ITGA11: variants seen among roughly 807,000 people sequenced by gnomAD.
ITGA11 encodes the protein integrin alpha-11.
ITGA11 carries 97 observed loss-of-function variants against 141.9 expected under a neutral mutation model. That is an observed-to-expected ratio of 0.68 (90% CI 0.58 to 0.81). The LOEUF is 0.81. Ranked by LOEUF, ITGA11 falls within the 30% of genes least tolerant of loss-of-function variation. The pLI, the probability that ITGA11 is intolerant of heterozygous loss-of-function variation, is 0.00. For missense variants in ITGA11, 1,387 were observed against 1,559.2 expected (o/e 0.89, Z 1.86); for synonymous variants, 658 against 624.6 (o/e 1.05, Z -0.80).
chr15:68,335,252 A>G lies in ITGA11; in HGVS notation c.1425+445T>C, dbSNP rs1021137637. ...GGCTTGACCCAGTCATGAATTTGCC[A>G]TAGAACCCTGGGAAAGCCACCTTGC... On this transcript the variant is annotated intron_variant, in intron 12 of 29. Coordinates refer to ENST00000315757, the MANE Select transcript of ITGA11 (RefSeq NM_001004439.2). This position sits in a 1 kb window ranked among gnomAD's most constrained non-coding sequence, Gnocchi z 4.9. Among the ~76,000 whole-genome samples the G allele has an allele frequency of 6.6e-6, 1 of 152,054 alleles. No individual in the cohort carries two copies. The highest frequency in any genetic ancestry group is 1.5e-5 in the Non-Finnish European group (1 of 67,994).
At chr15:68,339,466 G>C in intron 11 of ITGA11, 34 bp downstream of exon 11, 1 of 1,590,876 alleles carries the variant, frequency 6.3e-7, no homozygotes, top group South Asian at 1.1e-5. Context: ...CCCGGCCCAC[G>C]ACCCGCCAGC....
chr15:68,312,922 A>C, intron 23 of ITGA11, 59 bp from the exon 24 acceptor site: 2 of 1,270,550 alleles, frequency 1.6e-6, no homozygotes, highest in Non-Finnish European at 2.3e-6. Context: ...GGATGGACAG[A>C]TGAATGAAAG....
chr15:68,338,014 A>T (rs898584), intron 11 of ITGA11, among the ~76,000 whole-genome samples: 73,203 of 152,028 alleles, frequency 0.48, 20,036 homozygotes, highest in Middle Eastern at 0.68. Flanking sequence ...GGCCAACCAC[A>T]TCGTTTCTCT....
At chr15:68,352,442 C>T (rs1043876716) in intron 7 of ITGA11, among the ~76,000 whole-genome samples, 6 of 152,150 alleles carry the variant, frequency 3.9e-5, no homozygotes, top group Non-Finnish European at 7.3e-5. Flanking sequence ...ATCTGCCCGC[C>T]TCTGCCTCCC....
Position 68,320,324 on chromosome 15 carries a change from G to A in ITGA11, c.2477C>T (p.Thr826Ile), listed in dbSNP as rs775498772. ...TGTGCTCTCTATGATGAAGACTGTG[G>A]TGTCGAAGGACAGCGTGTATGCGGA... ...DCSAYTLSFD[T>I]TVFIIESTRQ... Residue 826 changes from threonine to isoleucine, a missense_variant, in exon 20 of 30, where the codon ACC becomes ATC. Thr to Ile is a moderately conservative substitution (Grantham distance 89, BLOSUM62 -1). Transcript: ENST00000315757. 6.2e-7 allele frequency: 1 copy of A among 1,613,710 alleles called. No individual in the cohort carries two copies. Among genetic ancestry groups the A allele is most frequent in the Non-Finnish European group, 8.5e-7 (1 of 1,179,732 alleles).
rs1894881877 is a variant in ITGA11, at chr15:68,350,744, T to C, written c.933A>G (p.Glu311=). The C allele has an allele frequency of 6.2e-7, 1 of 1,613,780 alleles. No homozygotes were observed. The change falls in exon 9 of 30, where the codon GAA becomes GAG. Residue 311 remains glutamate (E), a synonymous_variant. Coordinates refer to ENST00000315757, the MANE Select transcript of ITGA11 (RefSeq NM_001004439.2). ...TGTATTTGATTTCATTTAGAAAAGT[T>C]TCTGGATTGATCCCCCTGCGGTTGT... is the stretch of plus-strand genomic sequence containing the variant. ...GYYNRRGINP[E]TFLNEIKYIA...
chr15:68,349,792 T>C (rs1342170132), intron 9 of ITGA11, among the ~76,000 whole-genome samples: 1 of 152,200 alleles, frequency 6.6e-6, no homozygotes, highest in African/African-American at 2.4e-5. Flanking sequence ...TGAAGGACTC[T>C]GCCCAAAATA....
chr15:68,313,652 C>T, intron 23 of ITGA11, 127 bp downstream of exon 23: 1 of 685,870 alleles, frequency 1.5e-6, no homozygotes, highest in South Asian at 1.8e-5. Flanking sequence ...ACTCTTGGCT[C>T]CATCCATAGT....
At position 68,299,050 on chromosome 15, in the gene ITGA11, A is replaced by G. The variant is rs1184996884; in HGVS notation, c.*4009T>C. 2 of 152,206 alleles carry G rather than the reference A, an allele frequency of 1.3e-5. No homozygotes were observed. The highest frequency in any genetic ancestry group is 2.4e-5 in the African/African-American group (1 of 41,436). The allele number at this position is 152,206 out of a possible 1,614,324, so 9.4% of individuals were successfully genotyped here. A position where few individuals can be genotyped will look rare whatever the true frequency, so the allele number is the denominator to read the frequency against. On this transcript the variant is annotated 3_prime_UTR_variant, in exon 30 of 30. Transcript: ENST00000315757. ...GTGAGACACTGTCTCAAAACAAACC[A>G]TGCAAAGCTGATTAGAAAGGGTAAG...
intron 2 of ITGA11, among the ~76,000 whole-genome samples, chr15:68,379,761 GT>G (rs1257341925): frequency 1.3e-5 from 2 of 152,166 alleles, no homozygotes; most frequent in Admixed American, 1.3e-4. Flanking sequence ...ATGCTCAGAG[GT>G]TTTTTTCTTT....
intron 10 of ITGA11, among the ~76,000 whole-genome samples, chr15:68,345,978 G>C (rs1330557072): frequency 6.6e-6 from 1 of 151,880 alleles, no homozygotes; most frequent in Non-Finnish European, 1.5e-5. Context: ...TTTTGTTTTT[G>C]TTTTTGTTTT....
chr15:68,344,434 A>G (rs911310236), intron 10 of ITGA11, among the ~76,000 whole-genome samples: 3 of 152,202 alleles, frequency 2.0e-5, no homozygotes, highest in Admixed American at 2.0e-4. Context: ...CTAAAGCTTC[A>G]GCCACTAAGA....
chr15:68,422,647 G>T (rs1006512240), intron 1 of ITGA11, among the ~76,000 whole-genome samples: 1 of 151,976 alleles, frequency 6.6e-6, no homozygotes, highest in Admixed American at 6.5e-5. Flanking sequence ...TGCCTTAGTT[G>T]GCTTTCGGTT....
intron 1 of ITGA11, among the ~76,000 whole-genome samples, chr15:68,408,539 G>A (rs985732847): frequency 1.3e-5 from 2 of 152,016 alleles, no homozygotes; most frequent in African/African-American, 4.8e-5. Flanking sequence ...TTGGGAGAGT[G>A]GCTCACGGGA....
intron 12 of ITGA11, among the ~76,000 whole-genome samples, chr15:68,334,629 G>A (rs1244428610): frequency 5.3e-5 from 8 of 151,862 alleles, no homozygotes; most frequent in East Asian, 1.9e-4. Flanking sequence ...ACTAAGAAGC[G>A]GACAGACAGC....
In ITGA11 at chr15:68,333,041, T is replaced by C. The variant is rs1353113077; in HGVS notation, c.1426-563A>G. Among the ~76,000 whole-genome samples, 1 of 152,208 alleles carries C rather than the reference T, an allele frequency of 6.6e-6. No individual in the cohort carries two copies. Among genetic ancestry groups the C allele is most frequent in the African/African-American group, 2.4e-5 (1 of 41,454 alleles). ...TCATCTACAACATAATCACTGGTCA[T>C]TCCACAGTGCTCCAAATTATGCATG... On this transcript the variant is annotated intron_variant, in intron 12 of 29. Coordinates refer to ENST00000315757, the MANE Select transcript of ITGA11 (RefSeq NM_001004439.2). The surrounding 1 kb of genome is among the most constrained non-coding windows in gnomAD (Gnocchi z 4.2).
intron 2 of ITGA11, among the ~76,000 whole-genome samples, chr15:68,374,790 C>T (rs898535124): frequency 6.6e-6 from 1 of 152,260 alleles, no homozygotes; most frequent in Non-Finnish European, 1.5e-5. Flanking sequence ...AATGTGGGTT[C>T]AATCCCCTCC....
At chr15:68,320,140 T>TGTGC in intron 20 of ITGA11, 45 bp downstream of exon 20, 1 of 1,573,050 alleles carries the variant, frequency 6.4e-7, no homozygotes, top group Non-Finnish European at 8.7e-7. Context: ...TTCCTTTTCC[T>TGTGC]CTGTGCCAGG....
intron 10 of ITGA11, among the ~76,000 whole-genome samples, chr15:68,347,989 C>A (rs1380954025): frequency 6.6e-6 from 1 of 152,160 alleles, no homozygotes; most frequent in African/African-American, 2.4e-5. Flanking sequence ...GCAAAGCACA[C>A]CCACAGGAGC....
Sources: allele counts gnomAD v4.1 joint callset (sites outside exome capture counted in the v4.1 genomes callset), GRCh38; gene constraint gnomAD v4.1.1; non-coding constraint Gnocchi (gnomAD v3.1); transcripts MANE v1.5; gene names NCBI Gene and HGNC (gene_info 2026-07-23, HGNC 2026-07-21).